TENM1: variants seen among roughly 807,000 people sequenced by gnomAD.
TENM1 encodes the protein teneurin transmembrane protein 1.
TENM1 carries 35 observed loss-of-function variants against 174.8 expected under a neutral mutation model. The ratio of observed to expected loss-of-function variants is 0.20; its 90% CI spans 0.15 to 0.27. TENM1 has a LOEUF of 0.27. Among genes scored for constraint, TENM1 ranks in the 10% least tolerant of loss-of-function variants. TENM1 has a pLI of 1.00. For synonymous variants in TENM1, 781 were observed against 798.7 expected (o/e 0.98, Z 0.37); for missense variants, 1,633 against 2,130.1 (o/e 0.77, Z 4.59).
chrX:124,640,371 T>C lies in TENM1; in HGVS notation c.2077+1420A>G, dbSNP rs913034962. On this transcript the variant is annotated intron_variant, in intron 11 of 31. Transcript: ENST00000422452. ...TCTCCTCTTTCCTTACGGTGTAGGATCACAGACTTTTCAGCTCATGAGCTA... is the reference window on the plus strand; with the variant it reads ...TCTCCTCTTTCCTTACGGTGTAGGACCACAGACTTTTCAGCTCATGAGCTA... Among the ~76,000 whole-genome samples the C allele has an allele frequency of 3.6e-5, 4 of 111,382 alleles. No homozygotes were observed. In the East Asian group the frequency reaches 8.5e-4, roughly 24 times the overall value.
At chrX:124,973,106 T>C in the TENM1 span, among the ~76,000 whole-genome samples, 1 of 111,976 alleles carries the variant, frequency 8.9e-6, no homozygotes, top group Non-Finnish European at 1.9e-5. Context: ...GGGTCCAGTT[T>C]CAGTTTTCTG....
intron 1 of TENM1, among the ~76,000 whole-genome samples, chrX:124,945,826 A>G (rs756269048): frequency 7.2e-5 from 8 of 111,522 alleles, no homozygotes; most frequent in Non-Finnish European, 7.5e-5. Context: ...CAAAATAAGA[A>G]TGGAGGATCA....
intron 1 of TENM1, among the ~76,000 whole-genome samples, chrX:124,930,852 C>A (rs1400731771): frequency 8.9e-6 from 1 of 112,020 alleles, no homozygotes; most frequent in Non-Finnish European, 1.9e-5. Context: ...AATACAATTT[C>A]TTTTAGACTG....
At chrX:124,965,568 G>C (rs759085566), upstream of TENM1, among the ~76,000 whole-genome samples, 20 of 111,465 alleles carry the variant, frequency 1.8e-4, no homozygotes, top group African/African-American at 6.5e-4. Flanking sequence ...TATTACTTTA[G>C]GCACACACGT....
chrX:125,139,029 T>C, the TENM1 span, among the ~76,000 whole-genome samples: 9 of 110,869 alleles, frequency 8.1e-5, no homozygotes, highest in African/African-American at 2.9e-4. Context: ...TCTACTACTG[T>C]TTTCTTCATT....
intron 3 of TENM1, among the ~76,000 whole-genome samples, chrX:124,878,721 A>G (rs1223277088): frequency 9.0e-6 from 1 of 111,506 alleles, no homozygotes; most frequent in Admixed American, 9.5e-5. Flanking sequence ...ACCCAGCCTC[A>G]GGTATCTTTA....
At position 124,584,956 on chromosome X, in the gene TENM1, T is replaced by C. The variant is rs763142105; in HGVS notation, c.2078-19396A>G. On this transcript the variant is annotated intron_variant, in intron 11 of 31. Transcript: ENST00000422452. ...GACAAAGAAGGCCATTACATAATGG[T>C]AAAGGGATCAATTCAACAAGAAGGG... Among the ~76,000 whole-genome samples, 4 of 109,014 alleles carry C rather than the reference T, an allele frequency of 3.7e-5. No individual in the cohort carries two copies. The East Asian group carries it at 1.2e-3, about 31-fold the overall frequency. 94.7% of individuals were successfully genotyped at this position (109,014 alleles called of 115,157 possible). A position where few individuals can be genotyped will look rare whatever the true frequency, so the allele number is the denominator to read the frequency against.
intron 3 of TENM1, among the ~76,000 whole-genome samples, chrX:124,823,428 A>G (rs1298240478): frequency 8.9e-6 from 1 of 111,822 alleles, no homozygotes; most frequent in Non-Finnish European, 1.9e-5. Flanking sequence ...TTTGCATATC[A>G]TTCTAAATCA....
intron 3 of TENM1, among the ~76,000 whole-genome samples, chrX:124,756,851 G>A: frequency 8.9e-6 from 1 of 111,866 alleles, no homozygotes; most frequent in African/African-American, 3.2e-5. Flanking sequence ...TCCTCTGGAA[G>A]TTTTGTCTCA....
intron 10 of TENM1, among the ~76,000 whole-genome samples, chrX:124,642,498 A>T (rs962401958): frequency 3.6e-5 from 4 of 112,642 alleles, no homozygotes; most frequent in Non-Finnish European, 7.5e-5. Flanking sequence ...ATGAAATAAT[A>T]AAATTTACAT....
intron 11 of TENM1, among the ~76,000 whole-genome samples, chrX:124,582,969 C>T (rs1020122831): frequency 7.1e-5 from 8 of 112,246 alleles, no homozygotes; most frequent in East Asian, 5.6e-4. Flanking sequence ...AAGACTGCAG[C>T]GACGCTGGGG....
chrX:125,096,896 AC>A, the TENM1 span, among the ~76,000 whole-genome samples: 1 of 108,683 alleles, frequency 9.2e-6, no homozygotes, highest in African/African-American at 3.4e-5. Flanking sequence ...AAAAAAAAAA[AC>A]TTTTCCTCCA....
rs867967259 is a variant in TENM1 at position 124,642,069 on chromosome X, C to T, written c.1877-78G>A. The stretch of plus-strand genomic sequence containing the variant: ...GCCAACATACCTTAGTATGATGAAA[C>T]GGAGATTACATTGATTTCCTAGTTT... On this transcript the variant is annotated intron_variant, in intron 10 of 31. Transcript: ENST00000422452. 87 of 713,649 alleles carry T rather than the reference C, an allele frequency of 1.2e-4. 1 individual carries two copies. In the Middle Eastern group the frequency reaches 6.5e-3, roughly 53 times the overall value. The allele number at this position is 713,649 out of a possible 1,213,427, so 58.8% of individuals were successfully genotyped here.
At chrX:125,187,588 A>G in the TENM1 span, among the ~76,000 whole-genome samples, 1 of 112,029 alleles carries the variant, frequency 8.9e-6, no homozygotes, top group African/African-American at 3.2e-5. Context: ...TTAGATGTTA[A>G]TGATCACTTC....
At chrX:124,949,930 G>T (rs2058457455) in intron 1 of TENM1, among the ~76,000 whole-genome samples, 1 of 111,147 alleles carries the variant, frequency 9.0e-6, no homozygotes, top group African/African-American at 3.3e-5. Context: ...TAGGGTAGAG[G>T]AGTCTTAGTG....
chrX:124,847,286 CAT>C (rs1474191890), intron 3 of TENM1, among the ~76,000 whole-genome samples: 1 of 111,621 alleles, frequency 9.0e-6, no homozygotes, highest in African/African-American at 3.2e-5. Context: ...GAAATTATAA[CAT>C]ATTTGAAATA....
intron 4 of TENM1, among the ~76,000 whole-genome samples, chrX:124,730,609 G>A (rs1356016056): frequency 8.9e-6 from 1 of 111,873 alleles, no homozygotes; most frequent in Non-Finnish European, 1.9e-5. Flanking sequence ...CGTCGTAGGA[G>A]GAAAGGGTAG....
At chrX:124,930,126 G>A (rs1204060219) in intron 1 of TENM1, among the ~76,000 whole-genome samples, 2 of 109,857 alleles carry the variant, frequency 1.8e-5, no homozygotes, top group Admixed American at 9.7e-5. Flanking sequence ...ACCCCGCACA[G>A]ACATGCACAG....
the TENM1 span, among the ~76,000 whole-genome samples, chrX:125,100,317 A>G: frequency 8.0e-5 from 9 of 112,153 alleles, no homozygotes; most frequent in South Asian, 3.3e-3. Flanking sequence ...AGTCCTAACA[A>G]TCAGATACCA....
Sources: gnomAD v4.1 joint callset for allele counts (sites outside exome capture counted in the v4.1 genomes callset) on GRCh38, gnomAD v4.1.1 for gene constraint, MANE v1.5 for transcripts, NCBI Gene and HGNC (gene_info 2026-07-23, HGNC 2026-07-21) for gene names.